The following IRAG2 variants were observed in gnomAD, a reference collection of about 807,000 sequenced individuals.
IRAG2 encodes the protein inositol 1,4,5-triphosphate receptor associated 2.
In IRAG2, 45 loss-of-function variants were observed where a neutral mutation model predicts 69.9. That is an observed-to-expected ratio of 0.64 (90% CI 0.51 to 0.83). IRAG2 has a LOEUF of 0.83. Ranked by LOEUF, IRAG2 falls within the 40% of genes least tolerant of loss-of-function variation. The pLI is 0.00. For synonymous variants in IRAG2, 193 were observed against 202.4 expected, an observed-to-expected ratio of 0.95 and a Z score of 0.40; for missense variants, 520 against 587.0, an observed-to-expected ratio of 0.89 and a Z score of 1.18.
At chr12:25,017,306 G>C in intron 6 of IRAG2, 1 of 1,232,088 alleles carries the variant, frequency 8.1e-7, no homozygotes, top group Non-Finnish European at 1.0e-6. Flanking sequence ...AGCCACAGTG[G>C]GGTCCAGTGT....
intron 19 of IRAG2, 62 bp downstream of exon 19, chr12:25,104,120 A>G: frequency 7.3e-7 from 1 of 1,363,406 alleles, no homozygotes; most frequent in South Asian, 1.2e-5. Context: ...GGCTAACCTA[A>G]ATGAGTGCTC....
chr12:25,089,545 C>T lies in IRAG2; in HGVS notation c.374-69C>T. 9.2e-6 allele frequency: 8 copies of T among 873,038 alleles called. No homozygotes were observed. The South Asian group carries it at 1.3e-4, about 14-fold the overall frequency. 54.1% of individuals were successfully genotyped at this position (873,038 alleles called of 1,614,324 possible). ...ATACTTTTGTTTAGTGGAGATATAA[C>T]ATTAGATCAAATGTGCTTTTACAGG... is the stretch of plus-strand genomic sequence containing the variant. On this transcript the variant is annotated intron_variant, in intron 11 of 21. Transcript: ENST00000556887.
intron 10 of IRAG2, among the ~76,000 whole-genome samples, chr12:25,087,894 G>A (rs1307982707): frequency 6.6e-6 from 1 of 152,170 alleles, no homozygotes; most frequent in Non-Finnish European, 1.5e-5. Flanking sequence ...GGTGGAACAG[G>A]TTCCTTCAGA....
At chr12:25,100,434 A>G (rs1275562875) in intron 15 of IRAG2, among the ~76,000 whole-genome samples, 1 of 152,214 alleles carries the variant, frequency 6.6e-6, no homozygotes, top group East Asian at 1.9e-4. Flanking sequence ...AGATACTTGT[A>G]CACAAATATT....
chr12:25,006,961 G>GA (rs1039062909), intron 2 of IRAG2, among the ~76,000 whole-genome samples: 2 of 151,726 alleles, frequency 1.3e-5, no homozygotes, highest in Non-Finnish European at 2.9e-5. Flanking sequence ...CGAAAAGAAG[G>GA]AAAAAAAATT....
At chr12:25,004,011 G>C (rs1017806182), upstream of IRAG2, among the ~76,000 whole-genome samples, 2 of 152,210 alleles carry the variant, frequency 1.3e-5, no homozygotes, top group Admixed American at 6.5e-5. Flanking sequence ...CTTTCTGTCA[G>C]AGAATGGAGA....
chr12:25,041,368 T>C, intron 16 of IRAG2, among the ~76,000 whole-genome samples: 1 of 152,234 alleles, frequency 6.6e-6, no homozygotes, highest in East Asian at 1.9e-4. Context: ...TGTTTGTTTT[T>C]ATCTTTTTCT....
chr12:25,079,728 A>G lies in IRAG2; in HGVS notation c.209A>G (p.Asp70Gly). 1 of 1,613,988 alleles carries G rather than the reference A, an allele frequency of 6.2e-7. No homozygotes were observed. Among genetic ancestry groups the G allele is most frequent in the Non-Finnish European group, 8.5e-7 (1 of 1,179,856 alleles). The change falls in exon 9 of 22, where the codon GAT (aspartate) becomes GGT (glycine). Residue 70 changes from aspartate (D) to glycine (G), a missense_variant. By Grantham distance (94) the Asp-to-Gly change is moderately conservative (BLOSUM62 -1). Transcript: ENST00000556887. Reference sequence around the variant, plus strand: ...AACTCGCTCTGTAAGAAAGAGGAGGATACAAGATCAGCTTCTCCCACGATA... The same window carrying G: ...AACTCGCTCTGTAAGAAAGAGGAGGGTACAAGATCAGCTTCTCCCACGATA... ...DRNSLCKKEE[D>G]TRSASPTIEA...
At chr12:25,033,382 C>A (rs1944682873) in intron 12 of IRAG2, among the ~76,000 whole-genome samples, 1 of 152,150 alleles carries the variant, frequency 6.6e-6, no homozygotes, top group Admixed American at 6.5e-5. Flanking sequence ...ACAGGAGCCA[C>A]TCAGATAACA....
intron 14 of IRAG2, chr12:25,036,454 G>T (rs1485197254): frequency 5.1e-6 from 2 of 394,210 alleles, no homozygotes; most frequent in East Asian, 7.2e-5. Context: ...GTCACTGGGG[G>T]CATTAGATGC....
At chr12:25,029,756 C>T (rs1319639035) in intron 9 of IRAG2, among the ~76,000 whole-genome samples, 2 of 152,068 alleles carry the variant, frequency 1.3e-5, no homozygotes, top group African/African-American at 2.4e-5. Flanking sequence ...TCGTAGCTCA[C>T]TGCACCTTCG....
At chr12:25,040,759 G>A (rs1356316100) in intron 16 of IRAG2, among the ~76,000 whole-genome samples, 1 of 152,132 alleles carries the variant, frequency 6.6e-6, no homozygotes, top group Non-Finnish European at 1.5e-5. Context: ...AGAAGCCTTG[G>A]TGAGGAAACA....
chr12:25,079,933 T>G (rs1009139412), intron 9 of IRAG2, among the ~76,000 whole-genome samples, 170 bp downstream of exon 9: 2 of 152,230 alleles, frequency 1.3e-5, no homozygotes, highest in African/African-American at 4.8e-5. Flanking sequence ...GAAATCCAAG[T>G]GGTAACTAAC....
chr12:25,041,417 TGAA>T (rs1435838336), intron 16 of IRAG2, among the ~76,000 whole-genome samples: 5 of 152,200 alleles, frequency 3.3e-5, no homozygotes, highest in African/African-American at 1.2e-4. Flanking sequence ...ATCTGCTGGA[TGAA>T]GAATTATTTA....
At chr12:25,026,344 G>A (rs1944621357) in intron 8 of IRAG2, among the ~76,000 whole-genome samples, 1 of 152,182 alleles carries the variant, frequency 6.6e-6, no homozygotes, top group Non-Finnish European at 1.5e-5. Context: ...GCTAATCTAG[G>A]TAAATGCTAA....
At chr12:25,073,627 G>A (rs1439523228) in intron 6 of IRAG2, among the ~76,000 whole-genome samples, 1 of 152,206 alleles carries the variant, frequency 6.6e-6, no homozygotes, top group African/African-American at 2.4e-5. Flanking sequence ...CAAGGTTAAT[G>A]TCTCAAAAAG....
chr12:25,069,215 A>G (rs750695048), intron 5 of IRAG2, 135 bp from the exon 6 acceptor site: 14 of 518,686 alleles, frequency 2.7e-5, no homozygotes, highest in Non-Finnish European at 4.8e-5. Flanking sequence ...TGTGTTACTT[A>G]AACCATGAAC....
chr12:25,029,781 A>G (rs1475175241), intron 9 of IRAG2, among the ~76,000 whole-genome samples: 1 of 152,138 alleles, frequency 6.6e-6, no homozygotes, highest in Non-Finnish European at 1.5e-5. Context: ...CTGGGGCTCA[A>G]ACCATCCTCC....
At chr12:25,054,713 C>T (rs897055640) in intron 1 of IRAG2, among the ~76,000 whole-genome samples, 1 of 152,166 alleles carries the variant, frequency 6.6e-6, no homozygotes, top group Non-Finnish European at 1.5e-5. Flanking sequence ...AAATCCCTTA[C>T]TTGTTACTTG....
Sources: gnomAD v4.1 joint callset for allele counts (sites outside exome capture counted in the v4.1 genomes callset) on GRCh38, gnomAD v4.1.1 for gene constraint, MANE v1.5 for transcripts, NCBI Gene and HGNC (gene_info 2026-07-23, HGNC 2026-07-21) for gene names.